NELL2: variants seen among roughly 807,000 people sequenced by gnomAD.
The protein encoded by NELL2 is protein kinase C-binding protein NELL2.
NELL2 carries 41 observed loss-of-function variants against 109.6 expected under a neutral mutation model. The ratio of observed to expected loss-of-function variants is 0.37; its 90% confidence interval spans 0.29 to 0.49. The LOEUF is 0.49. NELL2 is among the 20% of genes least tolerant of loss of function. The pLI is 0.98. For synonymous variants in NELL2, 355 were observed against 344.7 expected (o/e 1.03, Z -0.33); for missense variants, 900 against 1,008.3 (o/e 0.89, Z 1.45).
chr12:44,690,181 T>A (rs948398187), intron 12 of NELL2, among the ~76,000 whole-genome samples: 1 of 152,156 alleles, frequency 6.6e-6, no homozygotes, highest in African/African-American at 2.4e-5. Flanking sequence ...GATCCTCAGG[T>A]GGTTTTGATG....
chr12:44,781,586 C>T (rs1941961113), intron 3 of NELL2, among the ~76,000 whole-genome samples: 1 of 151,992 alleles, frequency 6.6e-6, no homozygotes, highest in African/African-American at 2.4e-5. Flanking sequence ...TTTTCAACTT[C>T]ATATCAAGCC....
intron 15 of NELL2, among the ~76,000 whole-genome samples, chr12:44,593,621 G>C (rs1944843407): frequency 2.6e-5 from 4 of 152,168 alleles, no homozygotes; most frequent in Non-Finnish European, 4.4e-5. Flanking sequence ...CCCAGTAACG[G>C]GATTGCTGGG....
chr12:44,911,473 CT>C (rs1316736906), intron 1 of NELL2, among the ~76,000 whole-genome samples: 1 of 151,812 alleles, frequency 6.6e-6, no homozygotes, highest in Non-Finnish European at 1.5e-5. Flanking sequence ...AAATTATAAT[CT>C]TTCAAAAGAT....
In NELL2 at chr12:44,521,982, T is replaced by C; in HGVS notation, c.2175+18A>G. The stretch of plus-strand genomic sequence containing the variant: ...TCTGGGCCTAAATTTTCTTTCCACT[T>C]CATGTAGCTAAATTTACCAAGCAGC... On this transcript the variant is annotated intron_variant, in intron 18 of 19. Transcript: ENST00000429094. The C allele has an allele frequency of 6.2e-7, 1 of 1,610,228 alleles. No individual in the cohort carries two copies. The highest frequency in any genetic ancestry group is 8.5e-7 in the Non-Finnish European group (1 of 1,178,350).
chr12:44,587,967 T>G (rs78563308), intron 15 of NELL2, among the ~76,000 whole-genome samples: 18 of 152,064 alleles, frequency 1.2e-4, no homozygotes, highest in African/African-American at 4.1e-4. Context: ...CTGGCTAACA[T>G]GGTGAAACCC....
At chr12:44,652,653 C>T (rs895552753) in intron 13 of NELL2, among the ~76,000 whole-genome samples, 1 of 152,136 alleles carries the variant, frequency 6.6e-6, no homozygotes, top group Non-Finnish European at 1.5e-5. Context: ...ATGGACAAGT[C>T]AACAGTGTTA....
At chr12:44,916,453 TA>T (rs1488640312), upstream of NELL2, among the ~76,000 whole-genome samples, 6 of 152,294 alleles carry the variant, frequency 3.9e-5, no homozygotes, top group African/African-American at 1.4e-4. Flanking sequence ...GAAATCATTA[TA>T]ACTGGGGTGA....
chr12:44,593,020 G>A (rs879671650), intron 15 of NELL2, among the ~76,000 whole-genome samples: 1 of 152,182 alleles, frequency 6.6e-6, no homozygotes, highest in Admixed American at 6.5e-5. Context: ...GTTGCTTTGA[G>A]GGGAATGAAG....
intron 1 of NELL2, among the ~76,000 whole-genome samples, chr12:44,894,751 C>G (rs1329848925): frequency 6.6e-6 from 1 of 152,120 alleles, no homozygotes; most frequent in Non-Finnish European, 1.5e-5. Context: ...GCTTCTAACT[C>G]TCAATTTTAC....
At chr12:44,701,049 CAA>C (rs1949212110) in intron 12 of NELL2, among the ~76,000 whole-genome samples, 1 of 152,012 alleles carries the variant, frequency 6.6e-6, no homozygotes, top group Non-Finnish European at 1.5e-5. Flanking sequence ...TGTATAATCA[CAA>C]GTGTAATTTA....
At chr12:44,590,539 A>C (rs1262517255) in intron 15 of NELL2, among the ~76,000 whole-genome samples, 1 of 152,198 alleles carries the variant, frequency 6.6e-6, no homozygotes, top group Non-Finnish European at 1.5e-5. Context: ...GTTTATCTAG[A>C]TGTAACTGAA....
chr12:44,783,760 A>T (rs1014311626), intron 3 of NELL2, among the ~76,000 whole-genome samples: 4 of 152,074 alleles, frequency 2.6e-5, no homozygotes, highest in Non-Finnish European at 5.9e-5. Flanking sequence ...AAAAGAAGTC[A>T]TATGAATTCT....
chr12:44,540,919 GA>G (rs1191870272), intron 15 of NELL2, among the ~76,000 whole-genome samples: 14 of 151,702 alleles, frequency 9.2e-5, no homozygotes, highest in African/African-American at 3.1e-4. Flanking sequence ...GAATAGCCAA[GA>G]TACAGTATCA....
At chr12:44,875,668 A>G (rs1945297854) in intron 1 of NELL2, 147 bp downstream of exon 1, 2 of 1,581,842 alleles carry the variant, frequency 1.3e-6, no homozygotes, top group Non-Finnish European at 1.7e-6. Flanking sequence ...AAAAAAAAAA[A>G]TCCATATCCA....
At chr12:44,657,409 C>T (rs1459786996) in intron 13 of NELL2, among the ~76,000 whole-genome samples, 3 of 152,098 alleles carry the variant, frequency 2.0e-5, no homozygotes, top group Non-Finnish European at 1.5e-5. Context: ...AATTACCAGC[C>T]GTTTATTCCA....
chr12:44,662,682 A>T (rs1947786518), intron 13 of NELL2, among the ~76,000 whole-genome samples: 1 of 152,260 alleles, frequency 6.6e-6, no homozygotes, highest in South Asian at 2.1e-4. Flanking sequence ...CAAATAAAGC[A>T]GAAAAAGGCT....
At chr12:44,593,157 A>T (rs1433495126) in intron 15 of NELL2, among the ~76,000 whole-genome samples, 2 of 152,210 alleles carry the variant, frequency 1.3e-5, no homozygotes, top group Non-Finnish European at 2.9e-5. Flanking sequence ...TGAAAATACA[A>T]TATAGCCCCT....
intron 15 of NELL2, among the ~76,000 whole-genome samples, chr12:44,561,174 G>C (rs1943454861): frequency 1.3e-5 from 2 of 152,130 alleles, no homozygotes. Context: ...TTGATGGAAT[G>C]TATCTCAAAA....
intron 15 of NELL2, among the ~76,000 whole-genome samples, chr12:44,567,870 A>G (rs927911407): frequency 1.3e-5 from 2 of 152,110 alleles, no homozygotes; most frequent in Non-Finnish European, 2.9e-5. Context: ...CTTTTCCCCA[A>G]TCTGTAGGCA....
Sources: allele counts gnomAD v4.1 joint callset (sites outside exome capture counted in the v4.1 genomes callset), GRCh38; gene constraint gnomAD v4.1.1; transcripts MANE v1.5; gene names NCBI Gene and HGNC (gene_info 2026-07-23, HGNC 2026-07-21).